Variants in GPR158 observed in about 807,000 individuals in gnomAD.
GPR158 encodes the protein G protein-coupled receptor 158, also known as metabotropic glycine receptor.
GPR158 carries 30 observed loss-of-function variants against 78.2 expected under a neutral mutation model. That is an observed-to-expected ratio of 0.38 (90% CI 0.29 to 0.52). The LOEUF is 0.52. GPR158 is among the 20% of genes least tolerant of loss of function. The pLI is 0.83. For synonymous variants in GPR158, 581 were observed against 591.1 expected (o/e 0.98, Z 0.25); for missense variants, 1,463 against 1,523.5 (o/e 0.96, Z 0.66).
Position 25,239,854 on chromosome 10 carries a change from C to T in GPR158, c.1008+18697C>T, listed in dbSNP as rs962149714. On this transcript the variant is annotated intron_variant, in intron 2 of 10. Coordinates refer to ENST00000376351, the MANE Select transcript of GPR158 (RefSeq NM_020752.3). ...CCAATAATATACCAGGCACTGAAAA[C>T]ACTAATAATGAGTATTTAATATATC... Among the ~76,000 whole-genome samples, 37 of 152,192 alleles carry T rather than the reference C, an allele frequency of 2.4e-4. 1 individual carries two copies. The highest frequency in any genetic ancestry group is 8.9e-4 in the African/African-American group (37 of 41,528).
At chr10:25,476,024 A>T (rs1300608395) in intron 5 of GPR158, 2 of 152,136 alleles carry the variant, frequency 1.3e-5, no homozygotes. Flanking sequence ...GGAAAGTCCA[A>T]ATTAGAGATT....
intron 5 of GPR158, among the ~76,000 whole-genome samples, chr10:25,527,896 C>G (rs1407751435): frequency 3.3e-5 from 5 of 151,958 alleles, no homozygotes. Flanking sequence ...GGATAATAAG[C>G]TGGTATTACA....
intron 7 of GPR158, among the ~76,000 whole-genome samples, chr10:25,579,652 A>G (rs150663006): frequency 6.6e-6 from 1 of 152,216 alleles, no homozygotes; most frequent in East Asian, 1.9e-4. Flanking sequence ...GTAGCTAATA[A>G]ATGATAGCAT....
chr10:25,378,368 A>G (rs1834111842), intron 2 of GPR158, among the ~76,000 whole-genome samples: 1 of 151,728 alleles, frequency 6.6e-6, no homozygotes, highest in African/African-American at 2.4e-5. Context: ...TTGCTTTCTA[A>G]TCAACACTGG....
intron 2 of GPR158, among the ~76,000 whole-genome samples, chr10:25,224,826 C>T (rs1018383955): frequency 1.3e-5 from 2 of 152,098 alleles, no homozygotes; most frequent in Non-Finnish European, 2.9e-5. Context: ...AATTGGTCCT[C>T]GCAAACTAAT....
chr10:25,511,344 T>C (rs184451869), intron 5 of GPR158, among the ~76,000 whole-genome samples: 1 of 152,340 alleles, frequency 6.6e-6, no homozygotes, highest in East Asian at 1.9e-4. Context: ...GTATATCTTC[T>C]TCTGAGAATT....
intron 2 of GPR158, among the ~76,000 whole-genome samples, chr10:25,354,060 A>C (rs544991782): frequency 5.5e-4 from 84 of 152,028 alleles, no homozygotes; most frequent in South Asian, 1.7e-3. Flanking sequence ...ATAGATTTAA[A>C]AAGTTATTAA....
At chr10:25,532,613 G>A (rs1836439863) in intron 5 of GPR158, among the ~76,000 whole-genome samples, 1 of 151,862 alleles carries the variant, frequency 6.6e-6, no homozygotes, top group African/African-American at 2.4e-5. Context: ...TTTGCTCTCT[G>A]ATCCCCAGTG....
intron 8 of GPR158, among the ~76,000 whole-genome samples, chr10:25,591,938 A>T (rs1837346235): frequency 6.6e-6 from 1 of 152,052 alleles, no homozygotes; most frequent in African/African-American, 2.4e-5. Context: ...AGGCAATAAT[A>T]AACCAATCAA....
rs749724261 is a variant in GPR158 at position 25,401,079 on chromosome 10, T to TTTGC, written c.1111+5070_1111+5073dup. 2.8e-4 allele frequency among the ~76,000 whole-genome samples: 43 copies of TTTGC among 152,238 alleles called. 1 individual carries two copies. In the East Asian group the frequency reaches 5.8e-3, roughly 21 times the overall value. On this transcript the variant is annotated intron_variant, in intron 3 of 10. Coordinates refer to ENST00000376351, the MANE Select transcript of GPR158 (RefSeq NM_020752.3). Reference sequence around the variant, plus strand: ...CTGGGATGAGTCTTAGTTTTCTTGCTTTGCTTGAGTCTCACACTCTCTTCC... The same window carrying TTTGC: ...CTGGGATGAGTCTTAGTTTTCTTGCTTTGCTTGCTTGAGTCTCACACTCTCTTCC...
At chr10:25,290,499 G>A (rs904269273) in intron 2 of GPR158, among the ~76,000 whole-genome samples, 3 of 152,090 alleles carry the variant, frequency 2.0e-5, no homozygotes, top group African/African-American at 7.2e-5. Flanking sequence ...CCTTAAAATA[G>A]TTTATCAGTG....
At chr10:25,248,899 C>T (rs1161673293) in intron 2 of GPR158, among the ~76,000 whole-genome samples, 1 of 151,238 alleles carries the variant, frequency 6.6e-6, no homozygotes, top group Non-Finnish European at 1.5e-5. Flanking sequence ...TGTAAATTAC[C>T]TTGGGCAGTA....
chr10:25,208,484 T>C (rs1474496372), intron 1 of GPR158, among the ~76,000 whole-genome samples: 2 of 152,296 alleles, frequency 1.3e-5, no homozygotes, highest in East Asian at 1.9e-4. Context: ...TTGGTATATA[T>C]GATATTCTTC....
chr10:25,328,795 C>T (rs916587281), intron 2 of GPR158, among the ~76,000 whole-genome samples: 5 of 151,728 alleles, frequency 3.3e-5, no homozygotes, highest in South Asian at 2.1e-4. Context: ...GGCATCATGG[C>T]GGACACCTGT....
chr10:25,261,839 A>G (rs562311348), intron 2 of GPR158, among the ~76,000 whole-genome samples: 36 of 152,234 alleles, frequency 2.4e-4, no homozygotes, highest in Non-Finnish European at 4.3e-4. Context: ...CAGGTGTAGC[A>G]AATAATTTTG....
intron 5 of GPR158, among the ~76,000 whole-genome samples, chr10:25,471,892 T>G (rs1481321936): frequency 1.3e-5 from 2 of 152,290 alleles, no homozygotes; most frequent in East Asian, 3.9e-4. Flanking sequence ...GTTGCGAAAA[T>G]TTTCTCCCAT....
intron 2 of GPR158, among the ~76,000 whole-genome samples, chr10:25,290,319 T>C (rs1479874087): frequency 6.6e-6 from 1 of 152,222 alleles, no homozygotes; most frequent in African/African-American, 2.4e-5. Flanking sequence ...TAATGCCGTT[T>C]GTAATAAACT....
chr10:25,241,311 T>TTTCTCTTCACTTCTC (rs1853618129), intron 2 of GPR158, among the ~76,000 whole-genome samples: 25 of 104,586 alleles, frequency 2.4e-4, no homozygotes, highest in African/African-American at 9.6e-4. Flanking sequence ...TTTCTTTTCT[T>TTTCTCTTCACTTCTC]TTCTCTTCTC....
chr10:25,341,909 C>T (rs953214355), intron 2 of GPR158, among the ~76,000 whole-genome samples: 1 of 151,810 alleles, frequency 6.6e-6, no homozygotes, highest in East Asian at 1.9e-4. Context: ...CTTTCTGGTC[C>T]CACCTCACCA....
Sources: gnomAD v4.1 joint callset for allele counts (sites outside exome capture counted in the v4.1 genomes callset) on GRCh38, gnomAD v4.1.1 for gene constraint, MANE v1.5 for transcripts, NCBI Gene and HGNC (gene_info 2026-07-23, HGNC 2026-07-21) for gene names.